Variants in SKAP1 observed in about 807,000 individuals in gnomAD.
SKAP1 encodes src kinase associated phosphoprotein 1.
SKAP1 carries 44 observed loss-of-function variants against 58.5 expected under a neutral mutation model. That is an observed-to-expected ratio of 0.75 (90% CI 0.59 to 0.97). The LOEUF (loss-of-function observed/expected upper bound fraction) is 0.97, where lower values mean the gene tolerates loss of function less well. SKAP1 is among the 50% of genes least tolerant of loss of function. SKAP1 has a pLI of 0.00. For synonymous variants in SKAP1, 127 were observed against 149.7 expected (o/e 0.85, Z 1.11); for missense variants, 390 against 435.2 (o/e 0.90, Z 0.92).
At chr17:48,369,351 T>G (rs1318073229) in intron 2 of SKAP1, among the ~76,000 whole-genome samples, 5 of 151,016 alleles carry the variant, frequency 3.3e-5, no homozygotes, top group Non-Finnish European at 7.4e-5. Flanking sequence ...ATTAGCTGGG[T>G]GTGGTGGTGT....
chr17:48,264,222 T>C (rs940064217), intron 4 of SKAP1, among the ~76,000 whole-genome samples: 1 of 151,898 alleles, frequency 6.6e-6, no homozygotes, highest in African/African-American at 2.4e-5. Flanking sequence ...TTTATATATA[T>C]ATACAAAATG....
chr17:48,325,104 C>T (rs993113132), intron 4 of SKAP1, among the ~76,000 whole-genome samples: 2 of 151,950 alleles, frequency 1.3e-5, no homozygotes, highest in Non-Finnish European at 2.9e-5. Flanking sequence ...AAAAAATTAG[C>T]CAGGCAAGGT....
intron 4 of SKAP1, among the ~76,000 whole-genome samples, chr17:48,336,836 T>C (rs774017209): frequency 1.3e-5 from 2 of 152,202 alleles, no homozygotes; most frequent in East Asian, 1.9e-4. Context: ...ATGTCTTTCA[T>C]TGATGATAAT....
At chr17:48,134,541 C>T (rs1246317688) in intron 12 of SKAP1, among the ~76,000 whole-genome samples, 1 of 151,726 alleles carries the variant, frequency 6.6e-6, no homozygotes, top group African/African-American at 2.4e-5. Context: ...TGGTCTCGAA[C>T]TCCTGACCTC....
the SKAP1 span, among the ~76,000 whole-genome samples, chr17:48,438,029 A>G: frequency 6.6e-6 from 1 of 151,986 alleles, no homozygotes; most frequent in African/African-American, 2.4e-5. Flanking sequence ...ATCCCATGCC[A>G]CCCCTCATAT....
chr17:48,136,626 C>T (rs1259365675), intron 12 of SKAP1: 1 of 151,982 alleles, frequency 6.6e-6, no homozygotes, highest in Admixed American at 6.6e-5. Flanking sequence ...ATACCTTGGA[C>T]CACTTACCTC....
intron 1 of SKAP1, among the ~76,000 whole-genome samples, chr17:48,411,508 G>T (rs923131811): frequency 1.3e-5 from 2 of 152,144 alleles, no homozygotes; most frequent in Non-Finnish European, 2.9e-5. Context: ...ACTCTAAAGT[G>T]GGGGAGCATA....
intron 11 of SKAP1, among the ~76,000 whole-genome samples, chr17:48,144,231 A>G (rs2143062200): frequency 6.6e-6 from 1 of 152,338 alleles, no homozygotes; most frequent in Middle Eastern, 3.4e-3. Context: ...TGTCTTTTCC[A>G]GATTTCATCC....
At chr17:48,399,034 A>C (rs1178362286) in intron 1 of SKAP1, among the ~76,000 whole-genome samples, 1 of 152,018 alleles carries the variant, frequency 6.6e-6, no homozygotes, top group Admixed American at 6.6e-5. Context: ...AGAAACAAAC[A>C]AACAAACAAA....
At chr17:48,324,156 T>C (rs1187202731) in intron 4 of SKAP1, among the ~76,000 whole-genome samples, 1 of 152,154 alleles carries the variant, frequency 6.6e-6, no homozygotes, top group Non-Finnish European at 1.5e-5. Flanking sequence ...CATAATCTTA[T>C]AACACAGAAA....
chr17:48,266,950 C>G (rs565214664), intron 4 of SKAP1, among the ~76,000 whole-genome samples: 1 of 152,122 alleles, frequency 6.6e-6, no homozygotes, highest in Non-Finnish European at 1.5e-5. Context: ...CTTTCTGTGA[C>G]TAGACTAACA....
At chr17:48,184,474 T>C (rs567433182) in intron 7 of SKAP1, among the ~76,000 whole-genome samples, 12 of 151,946 alleles carry the variant, frequency 7.9e-5, no homozygotes, top group Admixed American at 2.0e-4. Context: ...ACCTATGAAG[T>C]GAAATTGAGA....
At chr17:48,340,954 C>A (rs1027994901) in intron 4 of SKAP1, among the ~76,000 whole-genome samples, 34 of 152,124 alleles carry the variant, frequency 2.2e-4, no homozygotes, top group African/African-American at 8.0e-4. Context: ...AAACATCCAC[C>A]TCAGCAGAAC....
intron 2 of SKAP1, among the ~76,000 whole-genome samples, chr17:48,387,431 AT>A (rs2067291327): frequency 1.3e-5 from 2 of 152,192 alleles, no homozygotes; most frequent in African/African-American, 4.8e-5. Flanking sequence ...GAATGGAAAT[AT>A]TATCACTTTC....
chr17:48,291,999 G>C (rs2065903630), intron 4 of SKAP1, among the ~76,000 whole-genome samples: 1 of 152,062 alleles, frequency 6.6e-6, no homozygotes, highest in South Asian at 2.1e-4. Flanking sequence ...AATAGGGCAA[G>C]TATCTAATAT....
intron 4 of SKAP1, among the ~76,000 whole-genome samples, chr17:48,271,366 T>A (rs929482788): frequency 7.0e-6 from 1 of 142,550 alleles, no homozygotes; most frequent in African/African-American, 2.6e-5. Context: ...TTGTTTCTTT[T>A]TTTTTTTTTT....
At chr17:48,387,368 G>A (rs1184214175) in intron 2 of SKAP1, among the ~76,000 whole-genome samples, 1 of 152,134 alleles carries the variant, frequency 6.6e-6, no homozygotes, top group East Asian at 1.9e-4. Context: ...CACCGTGCCT[G>A]TAACTGCTAA....
intron 11 of SKAP1, among the ~76,000 whole-genome samples, chr17:48,156,059 C>G (rs1238436022): frequency 1.3e-5 from 2 of 152,212 alleles, no homozygotes; most frequent in African/African-American, 4.8e-5. Flanking sequence ...CTGATGGCCA[C>G]TAACCCCCAA....
In SKAP1 at chr17:48,184,814, C is replaced by T; in HGVS notation, c.476G>A (p.Gly159Asp). The T allele has an allele frequency of 1.2e-6, 2 of 1,613,864 alleles. No individual in the cohort carries two copies. Among genetic ancestry groups the T allele is most frequent in the South Asian group, 1.1e-5 (1 of 91,074 alleles). The stretch of plus-strand genomic sequence containing the variant: ...GTGGGGGGCCATCCGTACACCGTAG[C>T]CCTTAATGAGGAAGGTCCCTTTGGG... ...KQPKGTFLIK[G>D]YGVRMAPHLR... is the part of the protein sequence containing the mutation. The change falls in exon 7 of 13, where the codon GGC (glycine) becomes GAC (aspartate). Residue 159 changes from glycine (G) to aspartate (D), a missense_variant. By Grantham distance (94) the Gly-to-Asp change is moderately conservative (BLOSUM62 -1). Transcript: ENST00000336915.
Sources: allele counts gnomAD v4.1 joint callset (sites outside exome capture counted in the v4.1 genomes callset), GRCh38; gene constraint gnomAD v4.1.1; transcripts MANE v1.5; gene names NCBI Gene and HGNC (gene_info 2026-07-23, HGNC 2026-07-21).